Variants in AOC1 observed in about 807,000 individuals in gnomAD.
The protein encoded by AOC1 is diamine oxidase [copper-containing].
AOC1 carries 58 observed loss-of-function variants against 57.1 expected under a neutral mutation model. The ratio of observed to expected loss-of-function variants is 1.02; its 90% CI spans 0.82 to 1.26. The LOEUF is 1.26. Ranked by LOEUF, AOC1 falls within the 50% of genes most tolerant of loss-of-function variation. The pLI is 0.00. For missense variants in AOC1, 917 were observed against 1,005.3 expected, an observed-to-expected ratio of 0.91 and a Z score of 1.19; for synonymous variants, 401 against 423.4, an observed-to-expected ratio of 0.95 and a Z score of 0.65.
rs1242271602 is a variant in AOC1, at chr7:150,852,828, A to C, written c.-17+270A>C. 3.3e-5 allele frequency among the ~76,000 whole-genome samples: 5 copies of C among 152,166 alleles called. No individual in the cohort carries two copies. Among genetic ancestry groups the C allele is most frequent in the Non-Finnish European group, 5.9e-5 (4 of 68,012 alleles). On this transcript the variant is annotated intron_variant, in intron 1 of 4. Transcript: ENST00000360937. This position sits in a 1 kb window ranked among gnomAD's most constrained non-coding sequence, Gnocchi z 4.6. ...CCTGTTCCTGCCTGGAGGTCTCACC[A>C]GCCACCACCCCCACTGCCACTGCAC...
chr7:150,855,301 G>A (rs946506424), intron 1 of AOC1, among the ~76,000 whole-genome samples: 2 of 152,160 alleles, frequency 1.3e-5, no homozygotes, highest in Non-Finnish European at 2.9e-5. Flanking sequence ...GTTAGGGTCT[G>A]GAGAAACTAA....
intron 1 of AOC1, among the ~76,000 whole-genome samples, chr7:150,853,264 C>G (rs928351111): frequency 3.3e-5 from 5 of 151,996 alleles, no homozygotes; most frequent in Non-Finnish European, 7.4e-5. Context: ...ACTGTGGGCT[C>G]TGGGTGAGAG....
intron 1 of AOC1, among the ~76,000 whole-genome samples, chr7:150,854,435 G>T (rs535474601): frequency 1.3e-5 from 2 of 152,250 alleles, no homozygotes; most frequent in South Asian, 2.1e-4. Flanking sequence ...TATGAATCAA[G>T]AACTGCCCAT....
rs753585720 is a variant in AOC1, at chr7:150,857,718, C to T, written c.1248C>T (p.Leu416=). The T allele has an allele frequency of 3.1e-6, 5 of 1,614,092 alleles. No homozygotes were observed. In the African/African-American group the frequency reaches 4.0e-5, roughly 13 times the overall value. ...ACCCGGTCCATTATCCCCGAGCCCT[C>T]TGCCTCTTTGAAATGCCCACAGGGG... ...ADDPVHYPRA[L]CLFEMPTGVP... The change falls in exon 2 of 5, where the codon CTC becomes CTT. Residue 416 remains leucine, a synonymous_variant. Coordinates refer to ENST00000360937, the MANE Select transcript of AOC1 (RefSeq NM_001091.4). This position sits in a 1 kb window ranked among gnomAD's most constrained non-coding sequence, Gnocchi z 6.6.
chr7:150,857,798 C>G lies in AOC1; in HGVS notation c.1328C>G (p.Ala443Gly). 6.2e-7 allele frequency: 1 copy of G among 1,614,206 alleles called. No homozygotes were observed. The highest frequency in any genetic ancestry group is 8.5e-7 in the Non-Finnish European group (1 of 1,180,006). Residue 443 changes from alanine to glycine, a missense_variant, in exon 2 of 5, where the codon GCG (alanine) becomes GGG (glycine). Coordinates refer to ENST00000360937, the MANE Select transcript of AOC1 (RefSeq NM_001091.4). This position sits in a 1 kb window ranked among gnomAD's most constrained non-coding sequence, Gnocchi z 6.6. ...TTTAAAGGTGGCTTCAACTTCTATG[C>G]GGGGCTGAAGGGCCAGGTGCTGGTG... ...SNFKGGFNFY[A>G]GLKGQVLVLR... is the part of the protein sequence containing the mutation.
intron 1 of AOC1, among the ~76,000 whole-genome samples, chr7:150,855,198 A>G (rs1240661752): frequency 6.6e-6 from 1 of 152,132 alleles, no homozygotes; most frequent in African/African-American, 2.4e-5. Flanking sequence ...GCCTTGAGGA[A>G]GGGGGTGCAA....
At position 150,857,461 on chromosome 7, in the gene AOC1, T is replaced by C. The variant is rs1332851791; in HGVS notation, c.991T>C (p.Ser331Pro). ...GWSFAFRLRS[S>P]SGLQVLNVHF... Reference sequence around the variant, plus strand: ...GAGCTTTGCCTTCCGGCTGCGCTCCTCCTCCGGGCTGCAGGTCCTGAACGT... The same window carrying C: ...GAGCTTTGCCTTCCGGCTGCGCTCCCCCTCCGGGCTGCAGGTCCTGAACGT... The change falls in exon 2 of 5, where the codon TCC (serine) becomes CCC (proline). Residue 331 changes from serine (S) to proline (P), a missense_variant. Physicochemically the swap from Ser to Pro is moderately conservative, Grantham distance 74. Transcript: ENST00000360937. The surrounding 1 kb of genome is among the most constrained non-coding windows in gnomAD (Gnocchi z 6.6). 2.5e-6 allele frequency: 4 copies of C among 1,612,244 alleles called. No individual in the cohort carries two copies. In the South Asian group the frequency reaches 4.4e-5, roughly 18 times the overall value.
Position 150,857,898 on chromosome 7 carries a change from G to A in AOC1, c.1428G>A (p.Glu476=), listed in dbSNP as rs1278726874. 2 of 1,613,618 alleles carry A rather than the reference G, an allele frequency of 1.2e-6. No individual in the cohort carries two copies. Among genetic ancestry groups the A allele is most frequent in the Admixed American group, 1.7e-5 (1 of 60,002 alleles). ...DFIFYPNGVM[E]AKMHATGYVH... is the part of the protein sequence containing the mutation. Reference sequence around the variant, plus strand: ...TCTTCTACCCCAACGGGGTGATGGAGGCCAAGATGCATGCCACTGGCTACG... The same window carrying A: ...TCTTCTACCCCAACGGGGTGATGGAAGCCAAGATGCATGCCACTGGCTACG... Residue 476 remains glutamate (E), a synonymous_variant, in exon 2 of 5, where the codon GAG becomes GAA. Coordinates refer to ENST00000360937, the MANE Select transcript of AOC1 (RefSeq NM_001091.4). The surrounding 1 kb of genome is among the most constrained non-coding windows in gnomAD (Gnocchi z 6.6).
intron 2 of AOC1, 56 bp from the exon 3 acceptor site, chr7:150,858,707 G>T (rs1387821908): frequency 6.6e-7 from 1 of 1,517,520 alleles, no homozygotes; most frequent in African/African-American, 1.4e-5. Flanking sequence ...GTAGAATGAG[G>T]AGGTTTCAGT....
At chr7:150,858,697 G>A in intron 2 of AOC1, 66 bp from the exon 3 acceptor site, 1 of 1,485,754 alleles carries the variant, frequency 6.7e-7, no homozygotes, top group Non-Finnish European at 9.1e-7. Context: ...AGATCCTGGG[G>A]TAGAATGAGG....
chr7:150,859,181 T>C (rs1799889747), intron 3 of AOC1, 133 bp downstream of exon 3: 1 of 1,047,046 alleles, frequency 9.6e-7, no homozygotes, highest in Non-Finnish European at 1.3e-6. Context: ...TGTATATCTG[T>C]GTGTACAATT....
rs776866200 is a variant in AOC1 at position 150,859,089 on chromosome 7, T to C, written c.1856+41T>C. 3.3e-6 allele frequency: 5 copies of C among 1,493,720 alleles called. No homozygotes were observed. In the African/African-American group the frequency reaches 7.0e-5, roughly 21 times the overall value. The allele number at this position is 1,493,720 out of a possible 1,614,324, so 92.5% of individuals were successfully genotyped here. A position where few individuals can be genotyped will look rare whatever the true frequency, so the allele number is the denominator to read the frequency against. On this transcript the variant is annotated intron_variant, in intron 3 of 4. Coordinates refer to ENST00000360937, the MANE Select transcript of AOC1 (RefSeq NM_001091.4). Reference sequence around the variant, plus strand: ...GGGGCCTGGGGGAGGGTCAGTGGCTTCCCTCAGTGTGTGTGTCTGTGTCTG... The same window carrying C: ...GGGGCCTGGGGGAGGGTCAGTGGCTCCCCTCAGTGTGTGTGTCTGTGTCTG...
In AOC1 at chr7:150,858,809, C is replaced by T. The variant is rs1563096945; in HGVS notation, c.1617C>T (p.Ile539=). The T allele has an allele frequency of 6.2e-7, 1 of 1,612,474 alleles. No individual in the cohort carries two copies. Among genetic ancestry groups the T allele is most frequent in the Non-Finnish European group, 8.5e-7 (1 of 1,178,582 alleles). Residue 539 remains isoleucine, a synonymous_variant, in exon 3 of 5, where the codon ATC becomes ATT. Coordinates refer to ENST00000360937, the MANE Select transcript of AOC1 (RefSeq NM_001091.4). ...FQTLQMKLEN[I]TNPWSPRHRV... ...CACTGCAGATGAAGCTAGAAAACAT[C>T]ACCAACCCCTGGAGCCCAAGACACC...
chr7:150,857,685 T>C lies in AOC1; in HGVS notation c.1215T>C (p.Asp405=). ...ATFLDTFHYY[D]ADDPVHYPRA... ...TCCTGGACACTTTCCACTACTATGATGCCGATGACCCGGTCCATTATCCCC... is the reference window on the plus strand; with the variant it reads ...TCCTGGACACTTTCCACTACTATGACGCCGATGACCCGGTCCATTATCCCC... The change falls in exon 2 of 5, where the codon GAT becomes GAC. Residue 405 remains aspartate, a synonymous_variant. Coordinates refer to ENST00000360937, the MANE Select transcript of AOC1 (RefSeq NM_001091.4). The surrounding 1 kb of genome is among the most constrained non-coding windows in gnomAD (Gnocchi z 6.6). 6.2e-7 allele frequency: 1 copy of C among 1,614,118 alleles called. No homozygotes were observed. The highest frequency in any genetic ancestry group is 8.5e-7 in the Non-Finnish European group (1 of 1,179,988).
chr7:150,857,383 C>T lies in AOC1; in HGVS notation c.913C>T (p.Pro305Ser), dbSNP rs370642540. 8 of 1,609,780 alleles carry T rather than the reference C, an allele frequency of 5.0e-6. No individual in the cohort carries two copies. The Admixed American group carries it at 1.0e-4, about 20-fold the overall frequency. ...IHVSGPRLVQ[P>S]HGPRFRLEGN... ...TGTGAGCGGCCCCCGCTTGGTCCAG[C>T]CCCACGGCCCTCGCTTCAGGCTGGA... Residue 305 changes from proline (P) to serine (S), a missense_variant, in exon 2 of 5, where the codon CCC becomes TCC. Pro to Ser is a moderately conservative substitution (Grantham distance 74). Transcript: ENST00000360937. This position sits in a 1 kb window ranked among gnomAD's most constrained non-coding sequence, Gnocchi z 6.6.
chr7:150,857,969 G>A lies in AOC1; in HGVS notation c.1499G>A (p.Arg500His), dbSNP rs759480873. 1.6e-5 allele frequency: 26 copies of A among 1,594,986 alleles called. No homozygotes were observed. The highest frequency in any genetic ancestry group is 2.2e-5 in the East Asian group (1 of 44,762). ...YTPEGLRHGT[R>H]LHTHLIGNIH... ...CCCGAGGGGCTGCGCCACGGCACTC[G>A]CCTGCACACCCACCTGATTGGCAAC... The change falls in exon 2 of 5, where the codon CGC becomes CAC. Residue 500 changes from arginine to histidine, a missense_variant. Transcript: ENST00000360937. The surrounding 1 kb of genome is among the most constrained non-coding windows in gnomAD (Gnocchi z 6.6).
At chr7:150,858,190 T>C (rs1799854278) in intron 2 of AOC1, 150 bp downstream of exon 2, 1 of 1,174,446 alleles carries the variant, frequency 8.5e-7, no homozygotes, top group Non-Finnish European at 1.2e-6. Context: ...TAGAAATTTG[T>C]GTGTCCCTGA....
rs1799746813 is a variant in AOC1, at chr7:150,855,581, C to A, written c.-16-874C>A. On this transcript the variant is annotated intron_variant, in intron 1 of 4. Transcript: ENST00000360937. The stretch of plus-strand genomic sequence containing the variant: ...CCTCCCTGAGGTCCCCTCCTAGTAG[C>A]CTTGGGTGGACAAGAGAGGTGAATG... Among the ~76,000 whole-genome samples, 2 of 152,140 alleles carry A rather than the reference C, an allele frequency of 1.3e-5. 1 individual carries two copies. Among genetic ancestry groups the A allele is most frequent in the South Asian group, 4.1e-4 (2 of 4,830 alleles).
In AOC1 at chr7:150,856,789, G is replaced by A; in HGVS notation, c.319G>A (p.Glu107Lys). 6.2e-7 allele frequency: 1 copy of A among 1,614,118 alleles called. No individual in the cohort carries two copies. The highest frequency in any genetic ancestry group is 8.5e-7 in the Non-Finnish European group (1 of 1,179,982). The change falls in exon 2 of 5, where the codon GAG (glutamate) becomes AAG (lysine). Residue 107 changes from glutamate to lysine, a missense_variant. By Grantham distance (56) the Glu-to-Lys change is moderately conservative. Transcript: ENST00000360937. The surrounding 1 kb of genome is among the most constrained non-coding windows in gnomAD (Gnocchi z 5.2). ...TGCCGTCATCTTCTTTGGTGACCAG[G>A]AGCATCCCAATGTCACCGAGTTTGC... ...ARAVIFFGDQ[E>K]HPNVTEFAVG... is the part of the protein sequence containing the mutation.
Sources: gnomAD v4.1 joint callset for allele counts (sites outside exome capture counted in the v4.1 genomes callset) on GRCh38, gnomAD v4.1.1 for gene constraint, Gnocchi (gnomAD v3.1) non-coding constraint, MANE v1.5 for transcripts, NCBI Gene and HGNC (gene_info 2026-07-23, HGNC 2026-07-21) for gene names.